CCDC34: variants seen among roughly 807,000 people sequenced by gnomAD.
CCDC34 encodes coiled-coil domain containing 34.
In CCDC34, 40 loss-of-function variants were observed where a neutral mutation model predicts 44.1. That is an observed-to-expected ratio of 0.91 (90% CI 0.70 to 1.18). The LOEUF (loss-of-function observed/expected upper bound fraction) is 1.18, where lower values mean the gene tolerates loss of function less well. CCDC34 is among the 50% of genes most tolerant of loss of function. CCDC34 has a pLI of 0.00. For synonymous variants in CCDC34, 159 were observed against 158.2 expected (o/e 1.01, Z -0.04); for missense variants, 466 against 452.3 (o/e 1.03, Z -0.28).
intron 1 of CCDC34, among the ~76,000 whole-genome samples, chr11:27,360,768 G>A (rs1862651144): frequency 6.6e-6 from 1 of 152,180 alleles, no homozygotes; most frequent in African/African-American, 2.4e-5. Context: ...AAAACATACT[G>A]ATTGCTAGTG....
At chr11:27,341,269 C>T (rs1486884158) in intron 4 of CCDC34, 123 bp downstream of exon 4, 2 of 589,254 alleles carry the variant, frequency 3.4e-6, no homozygotes, top group Non-Finnish European at 5.8e-6. Flanking sequence ...AACAGGATAG[C>T]TTCTTGTGTT....
intron 3 of CCDC34, among the ~76,000 whole-genome samples, chr11:27,344,928 G>T (rs1862411944): frequency 6.6e-6 from 1 of 152,098 alleles, no homozygotes. Flanking sequence ...TACACTATCT[G>T]ATTTCAAGAA....
intron 3 of CCDC34, chr11:27,349,832 G>C: frequency 2.1e-6 from 2 of 967,970 alleles, no homozygotes; most frequent in Non-Finnish European, 2.5e-6. Context: ...TCCAGTATAA[G>C]AAGTAAACAA....
In CCDC34 at chr11:27,341,432, T is replaced by C; in HGVS notation, c.725A>G (p.Lys242Arg). ...AKEKYQEWLKKKNAEECERKK... is the reference protein window; with the variant it reads ...AKEKYQEWLKRKNAEECERKK... ...CCTCTCACATTCTTCAGCATTTTTTTTCTTTAACCATTCTTGATATTTTTC... is the reference window on the plus strand; with the variant it reads ...CCTCTCACATTCTTCAGCATTTTTTCTCTTTAACCATTCTTGATATTTTTC... Residue 242 changes from lysine to arginine, a missense_variant, in exon 4 of 6, where the codon AAA becomes AGA. By Grantham distance (26) the Lys-to-Arg change is conservative. Transcript: ENST00000328697. 6.8e-7 allele frequency: 1 copy of C among 1,463,460 alleles called. No individual in the cohort carries two copies. The highest frequency in any genetic ancestry group is 9.2e-7 in the Non-Finnish European group (1 of 1,084,734). 90.7% of individuals were successfully genotyped at this position (1,463,460 alleles called of 1,614,324 possible). A position where few individuals can be genotyped will look rare whatever the true frequency, so the allele number is the denominator to read the frequency against.
At chr11:27,353,979 G>T (rs1862538119) in intron 2 of CCDC34, among the ~76,000 whole-genome samples, 1 of 152,020 alleles carries the variant, frequency 6.6e-6, no homozygotes, top group South Asian at 2.1e-4. Flanking sequence ...ATTCTTTATG[G>T]TTAAAAATTT....
At chr11:27,356,036 T>TTTTTTTG (rs1862571049) in intron 2 of CCDC34, among the ~76,000 whole-genome samples, 6 of 140,414 alleles carry the variant, frequency 4.3e-5, no homozygotes, top group Admixed American at 1.4e-4. Flanking sequence ...TTTTTTTTTT[T>TTTTTTTG]AGACAGAGTT....
intron 2 of CCDC34, among the ~76,000 whole-genome samples, chr11:27,355,640 A>G (rs1349331827): frequency 7.2e-5 from 11 of 152,222 alleles, no homozygotes. Context: ...CCTCTTAAGC[A>G]GACGAGAAAA....
intron 1 of CCDC34, among the ~76,000 whole-genome samples, chr11:27,359,655 A>C (rs1862633613): frequency 6.6e-6 from 1 of 152,086 alleles, no homozygotes; most frequent in African/African-American, 2.4e-5. Flanking sequence ...CGCCCAGCTA[A>C]GCTATGTACA....
intron 2 of CCDC34, among the ~76,000 whole-genome samples, chr11:27,351,668 C>G (rs1319676627): frequency 6.6e-6 from 1 of 152,188 alleles, no homozygotes; most frequent in African/African-American, 2.4e-5. Flanking sequence ...CCAGAAGTCT[C>G]TGATCTGATT....
intron 2 of CCDC34, among the ~76,000 whole-genome samples, chr11:27,351,108 G>A (rs1862499012): frequency 6.6e-6 from 1 of 152,196 alleles, no homozygotes; most frequent in Admixed American, 6.5e-5. Flanking sequence ...CCACCACTCT[G>A]TCACTCATCA....
chr11:27,350,414 C>A lies in CCDC34; in HGVS notation c.524G>T (p.Arg175Ile), dbSNP rs193131353. The change falls in exon 3 of 6, where the codon AGA (arginine) becomes ATA (isoleucine). Residue 175 changes from arginine to isoleucine, a missense_variant. Transcript: ENST00000328697. ...LEELNQQLEK[R>I]KEMEEREKRK... is the part of the protein sequence containing the mutation. ...TTTTTCACGTTCTTCCATTTCTTTT[C>A]TTTTTTCTAGTTGTTGATTTAATTC... The A allele has an allele frequency of 2.5e-6, 4 of 1,607,514 alleles. 1 individual carries two copies. Among genetic ancestry groups the A allele is most frequent in the African/African-American group, 2.7e-5 (2 of 74,672 alleles).
rs140145577 is a variant in CCDC34, at chr11:27,338,910, T to C, written c.1033A>G (p.Ile345Val). Residue 345 changes from isoleucine (I) to valine (V), a missense_variant, in exon 6 of 6, where the codon ATA (isoleucine) becomes GTA (valine). Coordinates refer to ENST00000328697, the MANE Select transcript of CCDC34 (RefSeq NM_030771.2). ...GATGATGACTTGTGTGGCTGACTTA[T>C]CACAGGTCTTTTACTCTTCCTTCCT... Reference protein sequence around the residue: ...LSGRKSKRPVISQPHKSSSLV... With the variant: ...LSGRKSKRPVVSQPHKSSSLV... The C allele has an allele frequency of 1.5e-5, 24 of 1,613,774 alleles. No homozygotes were observed. The highest frequency in any genetic ancestry group is 1.7e-5 in the Non-Finnish European group (20 of 1,179,868).
In CCDC34 at chr11:27,338,865, T is replaced by C. The variant is rs1303917504; in HGVS notation, c.1078A>G (p.Arg360Gly). 2.5e-6 allele frequency: 4 copies of C among 1,613,828 alleles called. No individual in the cohort carries two copies. In the African/African-American group the frequency reaches 4.0e-5, roughly 16 times the overall value. ...AGAGTTCCAAGGCAAAGATTGCTCC[T>C]GGCTTTATGAATTACCAGAGATGAT... is the stretch of plus-strand genomic sequence containing the variant. ...KSSSLVIHKA[R>G]SNLCLGTLCR... The change falls in exon 6 of 6, where the codon AGG becomes GGG. Residue 360 changes from arginine to glycine, a missense_variant. Transcript: ENST00000328697.
intron 3 of CCDC34, among the ~76,000 whole-genome samples, chr11:27,345,226 T>G (rs1272000376): frequency 6.6e-6 from 1 of 152,216 alleles, no homozygotes; most frequent in Non-Finnish European, 1.5e-5. Flanking sequence ...CTATAAAGCT[T>G]CTGGAAGAAA....
At chr11:27,349,092 T>C (rs531086848) in intron 3 of CCDC34, 4 of 985,234 alleles carry the variant, frequency 4.1e-6, no homozygotes, top group Admixed American at 6.1e-5. Flanking sequence ...CTAGGTTTGA[T>C]TGGCATGGTA....
In CCDC34 at chr11:27,363,106, G is replaced by A. The variant is rs775127199; in HGVS notation, c.89C>T (p.Ser30Leu). The part of the protein sequence containing the change: ...ADCRPRSRPS[S>L]DSCSVPMTGA... Reference sequence around the variant, plus strand: ...CGTCATAGGGACTGAGCAGGAGTCCGAGGAGGGCCGAGACCTGGGTCTGCA... The same window carrying A: ...CGTCATAGGGACTGAGCAGGAGTCCAAGGAGGGCCGAGACCTGGGTCTGCA... The change falls in exon 1 of 6, where the codon TCG becomes TTG. Residue 30 changes from serine to leucine, a missense_variant. Coordinates refer to ENST00000328697, the MANE Select transcript of CCDC34 (RefSeq NM_030771.2). 2.0e-5 allele frequency: 32 copies of A among 1,592,562 alleles called. No homozygotes were observed. In the South Asian group the frequency reaches 2.9e-4, roughly 15 times the overall value.
rs1195628541 is a variant in CCDC34, at chr11:27,352,995, C to T, written c.499-2556G>A. Among the ~76,000 whole-genome samples the T allele has an allele frequency of 5.3e-5, 8 of 152,216 alleles. No homozygotes were observed. In the East Asian group the frequency reaches 1.5e-3, roughly 29 times the overall value. On this transcript the variant is annotated intron_variant, in intron 2 of 5. Transcript: ENST00000328697. Reference sequence around the variant, plus strand: ...AAGGCCAGTCTCCTTCAGGACACAGCTGGAGTCTTCCTTCGAAAGGCCCCT... The same window carrying T: ...AAGGCCAGTCTCCTTCAGGACACAGTTGGAGTCTTCCTTCGAAAGGCCCCT...
At chr11:27,346,823 G>C (rs966356491) in intron 3 of CCDC34, among the ~76,000 whole-genome samples, 1 of 152,124 alleles carries the variant, frequency 6.6e-6, no homozygotes, top group African/African-American at 2.4e-5. Flanking sequence ...AGGTAATCAA[G>C]TTTAAATGAG....
chr11:27,360,904 T>C (rs1332436300), intron 1 of CCDC34, among the ~76,000 whole-genome samples: 2 of 152,198 alleles, frequency 1.3e-5, no homozygotes, highest in African/African-American at 4.8e-5. Context: ...GAGGAATGGA[T>C]GTCATTGTAT....
Sources: allele counts gnomAD v4.1 joint callset (sites outside exome capture counted in the v4.1 genomes callset), GRCh38; gene constraint gnomAD v4.1.1; transcripts MANE v1.5; gene names NCBI Gene and HGNC (gene_info 2026-07-23, HGNC 2026-07-21).